Variants in SLC5A10 observed in about 807,000 individuals in gnomAD.
The protein encoded by SLC5A10 is solute carrier family 5 member 10, also known as sodium/mannose cotransporter SLC5A10.
SLC5A10 carries 55 observed loss-of-function variants against 68.9 expected under a neutral mutation model. The ratio of observed to expected loss-of-function variants is 0.80; its 90% CI spans 0.64 to 1.00. SLC5A10 has a LOEUF of 1.00. Among genes scored for constraint, SLC5A10 ranks in the 50% least tolerant of loss-of-function variants. The pLI, the probability that SLC5A10 is intolerant of heterozygous loss-of-function variation, is 0.00. For synonymous variants in SLC5A10, 344 were observed against 344.8 expected, an observed-to-expected ratio of 1.00 and a Z score of 0.02; for missense variants, 732 against 819.3, an observed-to-expected ratio of 0.89 and a Z score of 1.30.
chr17:19,011,298 G>A (rs1047329147), intron 9 of SLC5A10, among the ~76,000 whole-genome samples: 1 of 152,216 alleles, frequency 6.6e-6, no homozygotes, highest in Non-Finnish European at 1.5e-5. Flanking sequence ...GTAAACAAGG[G>A]TGTGGGTGGG....
rs1370385139 is a variant in SLC5A10 at position 19,000,202 on chromosome 17, G to C, written c.983-13208G>C. Reference sequence around the variant, plus strand: ...GGCAGGCAGTTGACCTTCCATCTTGGAGTAGGAGCCCACTAGGGCTGGAGG... The same window carrying C: ...GGCAGGCAGTTGACCTTCCATCTTGCAGTAGGAGCCCACTAGGGCTGGAGG... On this transcript the variant is annotated intron_variant, in intron 9 of 14. Transcript: ENST00000395645. The surrounding 1 kb of genome is among the most constrained non-coding windows in gnomAD (Gnocchi z 5.2). Among the ~76,000 whole-genome samples the C allele has an allele frequency of 6.6e-6, 1 of 152,122 alleles. No homozygotes were observed. The highest frequency in any genetic ancestry group is 2.4e-5 in the African/African-American group (1 of 41,422).
At position 19,019,441 on chromosome 17, in the gene SLC5A10, C is replaced by T. The variant is rs1423509849; in HGVS notation, c.1260C>T (p.Leu420=). Residue 420 remains leucine, a synonymous_variant, in exon 12 of 15, where the codon CTC becomes CTT. Coordinates refer to ENST00000395645, the MANE Select transcript of SLC5A10 (RefSeq NM_001042450.4). ...CCTGCAGGCTGGTCATAGTGGCACTCATCGGCGTGAGTGTGGCCTGGATCC... is the reference window on the plus strand; with the variant it reads ...CCTGCAGGCTGGTCATAGTGGCACTTATCGGCGTGAGTGTGGCCTGGATCC... The part of the protein sequence containing the change: ...LLVGRLVIVA[L]IGVSVAWIPV... The T allele has an allele frequency of 4.3e-6, 7 of 1,611,092 alleles. No homozygotes were observed. Among genetic ancestry groups the T allele is most frequent in the Non-Finnish European group, 4.2e-6 (5 of 1,179,832 alleles).
chr17:19,011,495 C>G (rs2152151058), intron 9 of SLC5A10, among the ~76,000 whole-genome samples: 1 of 152,192 alleles, frequency 6.6e-6, no homozygotes, highest in East Asian at 1.9e-4. Context: ...CTTTTTTCCC[C>G]CAGGATGCCA....
chr17:18,981,360 C>T (rs536078850), intron 9 of SLC5A10, among the ~76,000 whole-genome samples: 5 of 152,196 alleles, frequency 3.3e-5, no homozygotes, highest in African/African-American at 4.8e-5. Flanking sequence ...CGAGCAGGGG[C>T]GGGCTCCTGG....
At chr17:18,954,226 T>A (rs1417845126) in intron 1 of SLC5A10, 1 of 152,334 alleles carries the variant, frequency 6.6e-6, no homozygotes, top group Admixed American at 6.5e-5. Context: ...GGAGGGTTTC[T>A]GGATGAGGGG....
In SLC5A10 at chr17:18,971,197, C is replaced by T. The variant is rs772488731; in HGVS notation, c.825C>T (p.Thr275=). The T allele has an allele frequency of 1.2e-6, 2 of 1,613,992 alleles. No individual in the cohort carries two copies. The highest frequency in any genetic ancestry group is 2.2e-5 in the South Asian group (2 of 91,090). Reference sequence around the variant, plus strand: ...CCTTTGGCCTGACCATCATGGCCACCTGGTACTGGTGCACCGACCAGGTGA... The same window carrying T: ...CCTTTGGCCTGACCATCATGGCCACTTGGTACTGGTGCACCGACCAGGTGA... The part of the protein sequence containing the change: ...GMTFGLTIMA[T]WYWCTDQVIV... Residue 275 remains threonine, a synonymous_variant, in exon 8 of 15, where the codon ACC becomes ACT. Coordinates refer to ENST00000395645, the MANE Select transcript of SLC5A10 (RefSeq NM_001042450.4). This position sits in a 1 kb window ranked among gnomAD's most constrained non-coding sequence, Gnocchi z 5.5.
chr17:19,003,549 C>A lies in SLC5A10; in HGVS notation c.983-9861C>A. Reference sequence around the variant, plus strand: ...TGTGCCTGGCTGATCATCTTCCGCACCACCTCTTTGATGTGGGCCTGCCCG... The same window carrying A: ...TGTGCCTGGCTGATCATCTTCCGCAACACCTCTTTGATGTGGGCCTGCCCG... On this transcript the variant is annotated intron_variant, in intron 9 of 14. Transcript: ENST00000395645. The surrounding 1 kb of genome is among the most constrained non-coding windows in gnomAD (Gnocchi z 4.5). 6.4e-7 allele frequency: 1 copy of A among 1,554,666 alleles called. No individual in the cohort carries two copies. The highest frequency in any genetic ancestry group is 8.7e-7 in the Non-Finnish European group (1 of 1,150,166).
intron 9 of SLC5A10, among the ~76,000 whole-genome samples, chr17:18,987,519 T>C (rs1190302121): frequency 6.6e-6 from 1 of 152,152 alleles, no homozygotes; most frequent in East Asian, 1.9e-4. Context: ...TGCCAGGGTG[T>C]CTGGGCAGAA....
At chr17:19,012,733 A>G (rs1380337401) in intron 9 of SLC5A10, among the ~76,000 whole-genome samples, 2 of 152,170 alleles carry the variant, frequency 1.3e-5, no homozygotes, top group Non-Finnish European at 2.9e-5. Flanking sequence ...GAGTGGCTGG[A>G]GAGTCCTGGG....
intron 9 of SLC5A10, chr17:18,977,596 G>T (rs551954434): frequency 1.2e-5 from 20 of 1,608,608 alleles, no homozygotes; most frequent in Middle Eastern, 1.7e-4. Context: ...GTGCCTCCTT[G>T]TCTGTGGAGC....
intron 9 of SLC5A10, among the ~76,000 whole-genome samples, chr17:19,009,722 T>C (rs2043974401): frequency 1.3e-5 from 2 of 152,002 alleles, no homozygotes; most frequent in Non-Finnish European, 2.9e-5. Context: ...GAAGCTACCA[T>C]ATGGTTGCTT....
chr17:19,009,781 ATAGTCT>A (rs1242323304), intron 9 of SLC5A10, among the ~76,000 whole-genome samples: 1 of 152,120 alleles, frequency 6.6e-6, no homozygotes, highest in African/African-American at 2.4e-5. Context: ...CCCCATAGTC[ATAGTCT>A]GGGTGGGAGA....
intron 9 of SLC5A10, chr17:18,977,549 C>T (rs2043010180): frequency 3.2e-6 from 5 of 1,582,688 alleles, no homozygotes; most frequent in South Asian, 1.1e-5. Context: ...CAGGGAGGGA[C>T]TCGTGACCCC....
Position 18,959,218 on chromosome 17 carries a change from C to T in SLC5A10, c.267C>T (p.Ala89=), listed in dbSNP as rs368023740. 1.9e-4 allele frequency: 303 copies of T among 1,613,184 alleles called. No homozygotes were observed. Among genetic ancestry groups the T allele is most frequent in the East Asian group, 2.4e-4 (11 of 44,900 alleles). ...GCTCAGGCGCGGCAGGAGGTCTGGC[C>T]GTGGCAGGCTTCGAGTGGAATGTGA... ...LAGSGAAGGL[A]VAGFEWNATY... The change falls in exon 3 of 15, where the codon GCC becomes GCT. Residue 89 remains alanine (A), a synonymous_variant. Transcript: ENST00000395645.
At chr17:18,960,973 G>A (rs987471096) in intron 5 of SLC5A10, among the ~76,000 whole-genome samples, 2 of 152,136 alleles carry the variant, frequency 1.3e-5, no homozygotes, top group Non-Finnish European at 2.9e-5. Context: ...CCGGCACCGG[G>A]GTGAGCCACG....
intron 9 of SLC5A10, chr17:18,978,989 G>A (rs2043061508): frequency 2.1e-6 from 2 of 941,194 alleles, no homozygotes; most frequent in Admixed American, 2.6e-5. Context: ...CAGAGAGCAG[G>A]TGCATACTGT....
rs756251973 is a variant in SLC5A10 at position 19,013,335 on chromosome 17, C to T, written c.983-75C>T. On this transcript the variant is annotated intron_variant, in intron 9 of 14. Coordinates refer to ENST00000395645, the MANE Select transcript of SLC5A10 (RefSeq NM_001042450.4). ...GGAGCAGGTCTGGGCCAGGCTCCTG[C>T]CCCCAGCCCTATCTTGCCCACCCCA... is the stretch of plus-strand genomic sequence containing the variant. 2.1e-5 allele frequency: 33 copies of T among 1,583,656 alleles called. No individual in the cohort carries two copies. In the South Asian group the frequency reaches 3.6e-4, roughly 17 times the overall value.
chr17:18,985,525 C>T (rs991672932), intron 9 of SLC5A10, among the ~76,000 whole-genome samples: 3 of 152,140 alleles, frequency 2.0e-5, no homozygotes, highest in Admixed American at 1.3e-4. Flanking sequence ...GGATTATCGG[C>T]AAAGGAAGTG....
upstream of SLC5A10, among the ~76,000 whole-genome samples, chr17:18,951,195 G>A (rs967716944): frequency 6.6e-6 from 1 of 152,240 alleles, no homozygotes; most frequent in Non-Finnish European, 1.5e-5. Context: ...GAGCAGAGGC[G>A]TGAGACTGCC....
Sources: allele counts gnomAD v4.1 joint callset (sites outside exome capture counted in the v4.1 genomes callset), GRCh38; gene constraint gnomAD v4.1.1; non-coding constraint Gnocchi (gnomAD v3.1); transcripts MANE v1.5; gene names NCBI Gene and HGNC (gene_info 2026-07-23, HGNC 2026-07-21).